Variants in MYRIP observed in about 807,000 individuals in gnomAD.
MYRIP encodes rab effector MyRIP.
Under a neutral mutation model 98.0 loss-of-function variants are expected in MYRIP, and 49 were observed. That is an observed-to-expected ratio of 0.50 (90% CI 0.40 to 0.63). The LOEUF is 0.63. MYRIP is among the 30% of genes least tolerant of loss of function. The pLI is 0.00. For synonymous variants in MYRIP, 404 were observed against 409.5 expected (o/e 0.99, Z 0.16); for missense variants, 1,004 against 1,058.2 (o/e 0.95, Z 0.71).
At chr3:40,174,884 C>A (rs1327848346) in intron 8 of MYRIP, among the ~76,000 whole-genome samples, 2 of 152,206 alleles carry the variant, frequency 1.3e-5, no homozygotes. Context: ...TGGCTCACGC[C>A]TGTAATCCCA....
At chr3:39,864,715 C>A (rs1400486886) in intron 1 of MYRIP, among the ~76,000 whole-genome samples, 1 of 152,112 alleles carries the variant, frequency 6.6e-6, no homozygotes, top group Non-Finnish European at 1.5e-5. Flanking sequence ...GTTAAAGTGG[C>A]CATACTGCCC....
At chr3:40,058,679 A>C (rs1050128290) in intron 3 of MYRIP, among the ~76,000 whole-genome samples, 3 of 151,504 alleles carry the variant, frequency 2.0e-5, no homozygotes, top group African/African-American at 7.3e-5. Context: ...TTTTAATTGC[A>C]TTTTTCCCTT....
chr3:40,059,688 G>A (rs74888720), intron 3 of MYRIP, among the ~76,000 whole-genome samples: 41 of 152,220 alleles, frequency 2.7e-4, no homozygotes, highest in East Asian at 1.9e-3. Flanking sequence ...TCCATAGTGC[G>A]AAATCCTCAA....
chr3:39,950,207 T>A (rs1944978595), intron 2 of MYRIP, among the ~76,000 whole-genome samples: 1 of 152,182 alleles, frequency 6.6e-6, no homozygotes, highest in Non-Finnish European at 1.5e-5. Flanking sequence ...AGCACAGTAC[T>A]TTGCACATGA....
At chr3:40,093,276 A>T (rs1425853837) in intron 3 of MYRIP, among the ~76,000 whole-genome samples, 1 of 152,172 alleles carries the variant, frequency 6.6e-6, no homozygotes, top group Non-Finnish European at 1.5e-5. Flanking sequence ...TTTTGCAGAA[A>T]AACCACAACT....
At chr3:39,849,331 G>C (rs546397996) in intron 1 of MYRIP, among the ~76,000 whole-genome samples, 1 of 152,140 alleles carries the variant, frequency 6.6e-6, no homozygotes, top group Non-Finnish European at 1.5e-5. Context: ...AATAGATAAA[G>C]CCACCTCTGT....
In MYRIP at chr3:40,137,667, G is replaced by A. The variant is rs376831998; in HGVS notation, c.333-13381G>A. Reference sequence around the variant, plus strand: ...ACTGGCAAACCAAATCCAGCAGCACGTCAAAAAGCTTATCCACCGTGAACA... The same window carrying A: ...ACTGGCAAACCAAATCCAGCAGCACATCAAAAAGCTTATCCACCGTGAACA... On this transcript the variant is annotated intron_variant, in intron 3 of 16. Coordinates refer to ENST00000302541, the MANE Select transcript of MYRIP (RefSeq NM_015460.4). 3.9e-4 allele frequency among the ~76,000 whole-genome samples: 59 copies of A among 152,134 alleles called. 1 individual carries two copies. The East Asian group carries it at 7.7e-3, about 20-fold the overall frequency.
At chr3:39,873,946 T>G (rs1452936889) in intron 1 of MYRIP, among the ~76,000 whole-genome samples, 2 of 151,936 alleles carry the variant, frequency 1.3e-5, no homozygotes. Context: ...GCCATTTTCA[T>G]GATATTGATT....
At chr3:40,185,663 G>C (rs1022819276) in intron 9 of MYRIP, among the ~76,000 whole-genome samples, 2 of 152,144 alleles carry the variant, frequency 1.3e-5, no homozygotes, top group African/African-American at 4.8e-5. Context: ...TTCCAAAGAG[G>C]CATGAGGCAA....
intron 2 of MYRIP, among the ~76,000 whole-genome samples, chr3:39,908,281 G>A (rs1335703934): frequency 3.3e-5 from 5 of 152,170 alleles, no homozygotes; most frequent in Admixed American, 6.5e-5. Flanking sequence ...CAGCCCAGCA[G>A]CTATGATGTG....
intron 2 of MYRIP, among the ~76,000 whole-genome samples, chr3:39,999,014 A>G (rs750511900): frequency 6.6e-6 from 1 of 152,204 alleles, no homozygotes; most frequent in Admixed American, 6.5e-5. Context: ...TACACCTTAT[A>G]CAAAAATTAA....
At chr3:39,854,291 G>A (rs1428318713) in intron 1 of MYRIP, among the ~76,000 whole-genome samples, 1 of 152,006 alleles carries the variant, frequency 6.6e-6, no homozygotes, top group Non-Finnish European at 1.5e-5. Flanking sequence ...TTATTCTTAG[G>A]TTTGGTCTTT....
chr3:40,026,870 TC>T (rs1408403200), intron 2 of MYRIP, among the ~76,000 whole-genome samples: 3 of 152,162 alleles, frequency 2.0e-5, no homozygotes, highest in Non-Finnish European at 4.4e-5. Flanking sequence ...CTGTCTGGCT[TC>T]CCCTCTTCAG....
At chr3:40,140,931 T>C (rs1161395113) in intron 3 of MYRIP, among the ~76,000 whole-genome samples, 5 of 152,226 alleles carry the variant, frequency 3.3e-5, no homozygotes, top group Non-Finnish European at 5.9e-5. Context: ...ATGATTTTAA[T>C]TATCTTAAAA....
chr3:39,901,255 C>T (rs1387016575), intron 2 of MYRIP, among the ~76,000 whole-genome samples: 3 of 152,178 alleles, frequency 2.0e-5, no homozygotes, highest in Non-Finnish European at 2.9e-5. Flanking sequence ...TGAAGGATAA[C>T]CAAAGTGTTA....
intron 1 of MYRIP, among the ~76,000 whole-genome samples, chr3:39,865,143 A>G (rs1161033476): frequency 6.6e-6 from 1 of 152,250 alleles, no homozygotes; most frequent in African/African-American, 2.4e-5. Context: ...ACTATATGCA[A>G]AAATCAGCTC....
intron 1 of MYRIP, among the ~76,000 whole-genome samples, chr3:39,866,318 T>C (rs950654348): frequency 6.6e-6 from 1 of 152,012 alleles, no homozygotes; most frequent in African/African-American, 2.4e-5. Context: ...CCTACATATA[T>C]ACCCCTGAAC....
rs190022312 is a variant in MYRIP, at chr3:39,889,858, C to A, written c.-30-10929C>A. ...TTATAAAAGAATCATCTCATGTTTT[C>A]TTTTATTACCTTTATGGTTTCATTT... On this transcript the variant is annotated intron_variant, in intron 1 of 16. Transcript: ENST00000302541. 2.0e-5 allele frequency among the ~76,000 whole-genome samples: 3 copies of A among 152,104 alleles called. No homozygotes were observed. In the East Asian group the frequency reaches 5.8e-4, roughly 29 times the overall value.
At chr3:39,945,875 G>A (rs1398549123) in intron 2 of MYRIP, among the ~76,000 whole-genome samples, 2 of 151,990 alleles carry the variant, frequency 1.3e-5, no homozygotes, top group African/African-American at 4.8e-5. Context: ...TGAGTATAAA[G>A]GCTATGATTC....
Sources: gnomAD v4.1 joint callset for allele counts (sites outside exome capture counted in the v4.1 genomes callset) on GRCh38, gnomAD v4.1.1 for gene constraint, MANE v1.5 for transcripts, NCBI Gene and HGNC (gene_info 2026-07-23, HGNC 2026-07-21) for gene names.